Variants in ZNF138 observed in about 807,000 individuals in gnomAD.
ZNF138 encodes the protein zinc finger protein 138 (clone pHZ-32).
ZNF138 carries 33 observed loss-of-function variants against 33.0 expected under a neutral mutation model. That is an observed-to-expected ratio of 1.00 (90% CI 0.76 to 1.34). The LOEUF (loss-of-function observed/expected upper bound fraction) is 1.34. Ranked by LOEUF, ZNF138 falls within the 40% of genes most tolerant of loss-of-function variation. ZNF138 has a pLI of 0.00. For synonymous variants in ZNF138, 139 were observed against 120.4 expected, an observed-to-expected ratio of 1.15 and a Z score of -1.01; for missense variants, 360 against 370.8, an observed-to-expected ratio of 0.97 and a Z score of 0.24.
Position 64,815,460 on chromosome 7 carries a change from G to C in ZNF138, c.131-116G>C, listed in dbSNP as rs562518539. The C allele has an allele frequency of 6.5e-6, 5 of 767,182 alleles. 1 individual carries two copies. The South Asian group carries it at 9.4e-5, about 14-fold the overall frequency. The allele number at this position is 767,182 out of a possible 1,614,324, so 47.5% of individuals were successfully genotyped here. On this transcript the variant is annotated intron_variant, in intron 2 of 3. Coordinates refer to ENST00000307355, the MANE Select transcript of ZNF138 (RefSeq NM_001271639.2). ...TTAGCATTTTGGGATTAATTTACTA[G>C]AATATTCTATTACATTCTCTTTACT...
downstream of ZNF138, among the ~76,000 whole-genome samples, chr7:64,838,287 CAGTT>C (rs1253658568): frequency 2.0e-5 from 3 of 152,162 alleles, no homozygotes; most frequent in African/African-American, 7.2e-5. Flanking sequence ...CATTTGTTGG[CAGTT>C]AGGGCACGGG....
At chr7:64,836,359 G>C (rs963787354), downstream of ZNF138, 15 of 152,394 alleles carry the variant, frequency 9.8e-5, no homozygotes, top group Non-Finnish European at 1.8e-4. Context: ...CCACGAGAAG[G>C]GGGAGGACTT....
chr7:64,833,252 TATG>T lies in ZNF138; in HGVS notation c.*1052_*1054del, dbSNP rs1583909320. On this transcript the variant is annotated 3_prime_UTR_variant, in exon 4 of 4. Coordinates refer to ENST00000307355, the MANE Select transcript of ZNF138 (RefSeq NM_001271639.2). ...TCATACTGGAGAGAAACCCCACAAA[TATG>T]AAGAATGTGGTAATGCTTTTAACCA... The T allele has an allele frequency of 1.1e-5, 2 of 187,064 alleles. No individual in the cohort carries two copies. The highest frequency in any genetic ancestry group is 2.8e-4 in the East Asian group (2 of 7,098). The allele number at this position is 187,064 out of a possible 1,614,324, so 11.6% of individuals were successfully genotyped here. A position where few individuals can be genotyped will look rare whatever the true frequency, so the allele number is the denominator to read the frequency against.
the ZNF138 span, among the ~76,000 whole-genome samples, chr7:64,845,570 C>T: frequency 6.6e-6 from 1 of 152,216 alleles, no homozygotes; most frequent in African/African-American, 2.4e-5. Context: ...CTTTTCACTG[C>T]ATCCACACCA....
chr7:64,834,323 G>GT (rs140563174), downstream of ZNF138, among the ~76,000 whole-genome samples: 6,659 of 152,162 alleles, frequency 0.044, 204 homozygotes, highest in East Asian at 0.14. Flanking sequence ...ATAAGGCTAC[G>GT]TAAGTATCAG....
intron 3 of ZNF138, among the ~76,000 whole-genome samples, chr7:64,822,463 T>G (rs537534364): frequency 6.6e-6 from 1 of 151,692 alleles, no homozygotes; most frequent in South Asian, 2.1e-4. Flanking sequence ...TAAAAAAATA[T>G]TTTTTGTATG....
chr7:64,825,154 CTTTTTTTTTTTTTTTT>C (rs71061316), intron 3 of ZNF138, among the ~76,000 whole-genome samples: 11 of 45,988 alleles, frequency 2.4e-4, no homozygotes, highest in East Asian at 8.5e-4. Flanking sequence ...GTTGTATGCT[CTTTTTTTTTTTTTTTT>C]TTTTTTTTTT....
the ZNF138 span, among the ~76,000 whole-genome samples, chr7:64,850,586 C>CATAAT: frequency 6.6e-6 from 1 of 152,178 alleles, no homozygotes; most frequent in Non-Finnish European, 1.5e-5. Flanking sequence ...GGGTGTTGGG[C>CATAAT]ATAATGGTTA....
At chr7:64,803,532 CT>C (rs1787332245) in intron 1 of ZNF138, among the ~76,000 whole-genome samples, 1 of 152,068 alleles carries the variant, frequency 6.6e-6, no homozygotes, top group Non-Finnish European at 1.5e-5. Context: ...TGTGGTTGTG[CT>C]TTGGTTTCTG....
chr7:64,831,989 A>C lies in ZNF138; in HGVS notation c.747A>C (p.Lys249Asn), dbSNP rs1790127211. The C allele has an allele frequency of 1.2e-6, 2 of 1,613,520 alleles. No individual in the cohort carries two copies. Among genetic ancestry groups the C allele is most frequent in the Non-Finnish European group, 1.7e-6 (2 of 1,179,782 alleles). ...TKHKIIRTGE[K>N]PYKCAHCGKA... Reference sequence around the variant, plus strand: ...ATAAGATAATTCGTACTGGAGAAAAACCCTATAAATGTGCACACTGTGGCA... The same window carrying C: ...ATAAGATAATTCGTACTGGAGAAAACCCCTATAAATGTGCACACTGTGGCA... Residue 249 changes from lysine (K) to asparagine (N), a missense_variant, in exon 4 of 4, where the codon AAA becomes AAC. By Grantham distance (94) the Lys-to-Asn change is moderately conservative. Transcript: ENST00000307355.
At chr7:64,852,989 A>T in the ZNF138 span, 1 of 1,457,268 alleles carries the variant, frequency 6.9e-7, no homozygotes, top group Middle Eastern at 1.7e-4. Context: ...TCCAAGGAGC[A>T]TCAGCATATT....
intron 1 of ZNF138, among the ~76,000 whole-genome samples, chr7:64,806,732 TAAAC>T (rs1432421288): frequency 6.6e-6 from 1 of 152,026 alleles, no homozygotes; most frequent in African/African-American, 2.4e-5. Context: ...AGCTAAAAAT[TAAAC>T]TAATAATGAC....
At chr7:64,825,093 C>T (rs976611693) in intron 3 of ZNF138, among the ~76,000 whole-genome samples, 1 of 143,496 alleles carries the variant, frequency 7.0e-6, no homozygotes, top group African/African-American at 2.6e-5. Context: ...GCTGGAATTT[C>T]AAGTGTGAGC....
intron 1 of ZNF138, among the ~76,000 whole-genome samples, chr7:64,798,707 G>C (rs548662313): frequency 6.6e-6 from 1 of 152,066 alleles, no homozygotes; most frequent in East Asian, 1.9e-4. Context: ...TGAACCTGGA[G>C]GCGGAGGTTG....
At position 64,794,440 on chromosome 7, in the gene ZNF138, C is replaced by T. The variant is rs1466221649; in HGVS notation, c.-129C>T. The T allele has an allele frequency of 1.2e-5, 17 of 1,374,832 alleles. No homozygotes were observed. The highest frequency in any genetic ancestry group is 1.8e-5 in the Admixed American group (1 of 56,550). The allele number at this position is 1,374,832 out of a possible 1,614,324, so 85.2% of individuals were successfully genotyped here. A position where few individuals can be genotyped will look rare whatever the true frequency, so the allele number is the denominator to read the frequency against. On this transcript the variant is annotated 5_prime_UTR_variant, in exon 1 of 4. Coordinates refer to ENST00000307355, the MANE Select transcript of ZNF138 (RefSeq NM_001271639.2). ...CGGCGGGGTCTTTGTCTCGCTGCAG[C>T]GGGTGCTGCAGGTCTGGCCTTCACT...
At position 64,832,218 on chromosome 7, in the gene ZNF138, A is replaced by G; in HGVS notation, c.*16A>G. ...CCTATCTTAACAACTTACTGAACAT[A>G]AGAAAATTTACACTAGAGAGAAAGC... On this transcript the variant is annotated 3_prime_UTR_variant, in exon 4 of 4. Transcript: ENST00000307355. The G allele has an allele frequency of 1.5e-5, 24 of 1,602,774 alleles. No individual in the cohort carries two copies. The highest frequency in any genetic ancestry group is 2.0e-5 in the Non-Finnish European group (24 of 1,176,758).
At chr7:64,809,158 CG>C (rs1787864357) in intron 1 of ZNF138, among the ~76,000 whole-genome samples, 1 of 120,224 alleles carries the variant, frequency 8.3e-6, no homozygotes, top group South Asian at 3.3e-4. Flanking sequence ...CCAGTAGGGG[CG>C]GCCGGGCAGA....
At chr7:64,829,156 TGAG>T (rs766633249) in intron 3 of ZNF138, among the ~76,000 whole-genome samples, 3 of 152,174 alleles carry the variant, frequency 2.0e-5, no homozygotes, top group Non-Finnish European at 4.4e-5. Flanking sequence ...TATGAGCTAT[TGAG>T]GAGAGTGTGT....
At chr7:64,816,554 C>G (rs1237566520) in intron 3 of ZNF138, among the ~76,000 whole-genome samples, 2 of 151,952 alleles carry the variant, frequency 1.3e-5, no homozygotes, top group East Asian at 3.9e-4. Flanking sequence ...CGGTAATTTA[C>G]TGAGTATATT....
Sources: gnomAD v4.1 joint callset for allele counts (sites outside exome capture counted in the v4.1 genomes callset) on GRCh38, gnomAD v4.1.1 for gene constraint, MANE v1.5 for transcripts, NCBI Gene and HGNC (gene_info 2026-07-23, HGNC 2026-07-21) for gene names.